PHF21A: variants seen among roughly 807,000 people sequenced by gnomAD.
PHF21A encodes PHD finger protein 21A.
Under a neutral mutation model 82.5 loss-of-function variants are expected in PHF21A, and 11 were observed. The ratio of observed to expected loss-of-function variants is 0.13; its 90% CI spans 0.08 to 0.22. PHF21A has a LOEUF of 0.22. PHF21A is among the 10% of genes least tolerant of loss of function. The pLI, the probability that PHF21A is intolerant of heterozygous loss-of-function variation, is 1.00. For synonymous variants in PHF21A, 297 were observed against 302.8 expected, an observed-to-expected ratio of 0.98 and a Z score of 0.20; for missense variants, 579 against 837.8, an observed-to-expected ratio of 0.69 and a Z score of 3.81.
rs144195995 is a variant in PHF21A at position 45,982,253 on chromosome 11, G to A, written c.154-2287C>T. Among the ~76,000 whole-genome samples, 61 of 152,096 alleles carry A rather than the reference G, an allele frequency of 4.0e-4. No individual in the cohort carries two copies. In the East Asian group the frequency reaches 8.9e-3, roughly 22 times the overall value. On this transcript the variant is annotated intron_variant, in intron 6 of 18. Coordinates refer to ENST00000676320, the MANE Select transcript of PHF21A (RefSeq NM_001352027.3). Reference sequence around the variant, plus strand: ...ATTATAGGCATAAGCCACCACGCCCGGCTGAGAGGTTTTTAGAAAAATATT... The same window carrying A: ...ATTATAGGCATAAGCCACCACGCCCAGCTGAGAGGTTTTTAGAAAAATATT...
At chr11:46,052,576 A>G (rs2096385026) in intron 6 of PHF21A, among the ~76,000 whole-genome samples, 2 of 152,214 alleles carry the variant, frequency 1.3e-5, no homozygotes, top group Non-Finnish European at 2.9e-5. Context: ...GCTAAGTACT[A>G]CACAGGAGCT....
intron 6 of PHF21A, among the ~76,000 whole-genome samples, chr11:46,062,093 T>G (rs184371544): frequency 1.3e-3 from 185 of 146,712 alleles, no homozygotes; most frequent in African/African-American, 4.4e-3. Flanking sequence ...TTTTGTTTTG[T>G]TTTTTTTTTT....
intron 6 of PHF21A, among the ~76,000 whole-genome samples, chr11:46,054,709 A>G (rs559350005): frequency 6.6e-6 from 1 of 152,312 alleles, no homozygotes; most frequent in African/African-American, 2.4e-5. Flanking sequence ...CTAGAAGGTA[A>G]GTTCCTTAAG....
intron 7 of PHF21A, among the ~76,000 whole-genome samples, chr11:45,973,592 G>T (rs74893293): frequency 6.6e-6 from 1 of 152,120 alleles, no homozygotes; most frequent in South Asian, 2.1e-4. Context: ...ACCTATCTTC[G>T]ATCAGTGATG....
chr11:45,970,565 A>G (rs961695349), intron 8 of PHF21A: 1 of 137,822 alleles, frequency 7.3e-6, no homozygotes, highest in Non-Finnish European at 1.5e-5. Context: ...TTGTTCAAGT[A>G]CTTCCTCCTT....
intron 6 of PHF21A, among the ~76,000 whole-genome samples, chr11:46,036,191 A>G (rs1044571237): frequency 3.3e-5 from 5 of 152,354 alleles, no homozygotes; most frequent in Admixed American, 6.5e-5. Flanking sequence ...AGAGTCAACA[A>G]TGATGTTTAA....
In PHF21A at chr11:46,057,212, A is replaced by G. The variant is rs552214656; in HGVS notation, c.153+19542T>C. 7.2e-5 allele frequency among the ~76,000 whole-genome samples: 11 copies of G among 152,240 alleles called. No individual in the cohort carries two copies. The South Asian group carries it at 2.1e-3, about 29-fold the overall frequency. On this transcript the variant is annotated intron_variant, in intron 6 of 18. Transcript: ENST00000676320. ...AATGCTTAAGACTTGTTTATTTTCC[A>G]TCTTGGAACTACATAAGCAGTTGCC...
rs57081937 is a variant in PHF21A, at chr11:45,971,890, C to CTTTCTTTTTTTTTTTTTTTTGTTTTT, written c.361-524_361-523insAAAAACAAAAAAAAAAAAAAAAGAAA. Among the ~76,000 whole-genome samples, 2 of 50,294 alleles carry CTTTCTTTTTTTTTTTTTTTTGTTTTT rather than the reference C, an allele frequency of 4.0e-5. 1 individual carries two copies. Among genetic ancestry groups the CTTTCTTTTTTTTTTTTTTTTGTTTTT allele is most frequent in the Non-Finnish European group, 7.7e-5 (2 of 25,836 alleles). 33.0% of individuals were successfully genotyped at this position (50,294 alleles called of 152,430 possible). On this transcript the variant is annotated intron_variant, in intron 7 of 18. Coordinates refer to ENST00000676320, the MANE Select transcript of PHF21A (RefSeq NM_001352027.3). ...GTAAAAGGACAGTGTCTTTTTCTTT[C>CTTTCTTTTTTTTTTTTTTTTGTTTTT]TTTTTTTTTTTTTTTATGGTGTCAC...
In PHF21A at chr11:45,935,739, GCTAAA is replaced by G; in HGVS notation, c.1685-5_1685-1del. On this transcript the variant is annotated splice_acceptor_variant and splice_polypyrimidine_tract_variant and intron_variant, in intron 17 of 18. Transcript: ENST00000676320. LOFTEE classifies it high-confidence loss of function. ...TAACTTCTGTTTCTCTTCTTCTTTTGCTAAAAAAAAAAAAAAAAAAAAAAAGGAAC... is the reference window on the plus strand; with the variant it reads ...TAACTTCTGTTTCTCTTCTTCTTTTGAAAAAAAAAAAAAAAAAAAAGGAAC... 1 of 459,572 alleles carries G rather than the reference GCTAAA, an allele frequency of 2.2e-6. No homozygotes were observed. Among genetic ancestry groups the G allele is most frequent in the Non-Finnish European group, 3.1e-6 (1 of 320,166 alleles). 28.5% of individuals were successfully genotyped at this position (459,572 alleles called of 1,614,324 possible). A position where few individuals can be genotyped will look rare whatever the true frequency, so the allele number is the denominator to read the frequency against.
chr11:46,070,943 T>C (rs146271761), intron 6 of PHF21A, among the ~76,000 whole-genome samples: 214 of 152,348 alleles, frequency 1.4e-3, no homozygotes, highest in African/African-American at 4.9e-3. Flanking sequence ...ATTATCAATA[T>C]ATGCTATTAA....
chr11:46,013,656 T>C (rs116491232), intron 6 of PHF21A, among the ~76,000 whole-genome samples: 174 of 152,308 alleles, frequency 1.1e-3, no homozygotes, highest in African/African-American at 3.3e-3. Flanking sequence ...CATCATACAA[T>C]GTACTTAAAC....
chr11:45,952,435 G>A (rs571411362), intron 11 of PHF21A, among the ~76,000 whole-genome samples: 1 of 152,288 alleles, frequency 6.6e-6, no homozygotes, highest in East Asian at 1.9e-4. Context: ...CAGAAACAAG[G>A]TCTCACTATG....
chr11:46,120,419 C>T (rs1852879049), intron 1 of PHF21A: 1 of 150,350 alleles, frequency 6.7e-6, no homozygotes, highest in African/African-American at 2.4e-5. Flanking sequence ...GCCGGCCCCC[C>T]GCCGGGACAA....
chr11:46,007,886 T>A (rs1433377688), intron 6 of PHF21A, among the ~76,000 whole-genome samples: 4 of 152,246 alleles, frequency 2.6e-5, no homozygotes, highest in African/African-American at 9.6e-5. Flanking sequence ...TCAGAGTCTT[T>A]AAAAAGGTAC....
chr11:46,115,088 TG>T (rs1329836683), intron 1 of PHF21A, among the ~76,000 whole-genome samples: 1 of 152,208 alleles, frequency 6.6e-6, no homozygotes, highest in Admixed American at 6.5e-5. Context: ...TGCCTTCAAC[TG>T]AGATATTTTC....
chr11:45,962,511 G>T (rs189763825), intron 10 of PHF21A, among the ~76,000 whole-genome samples: 2 of 152,134 alleles, frequency 1.3e-5, no homozygotes, highest in East Asian at 3.9e-4. Context: ...TCTGCTGATC[G>T]GGCTCGGTAA....
chr11:46,082,844 A>T (rs1476173788), intron 4 of PHF21A, among the ~76,000 whole-genome samples: 1 of 152,206 alleles, frequency 6.6e-6, no homozygotes, highest in Non-Finnish European at 1.5e-5. Context: ...GGATTTGCTC[A>T]TATCTTGTGA....
chr11:46,080,482 A>T (rs2096777596), intron 4 of PHF21A, among the ~76,000 whole-genome samples: 1 of 152,074 alleles, frequency 6.6e-6, no homozygotes, highest in African/African-American at 2.4e-5. Context: ...AAAAAAATTT[A>T]AAAATCAAGC....
intron 7 of PHF21A, among the ~76,000 whole-genome samples, chr11:45,972,672 G>C (rs1343421218): frequency 2.0e-5 from 3 of 152,202 alleles, no homozygotes; most frequent in Non-Finnish European, 1.5e-5. Flanking sequence ...CCAGCACTTT[G>C]GGAGGCCGAT....
Sources: gnomAD v4.1 joint callset for allele counts (sites outside exome capture counted in the v4.1 genomes callset) on GRCh38, gnomAD v4.1.1 for gene constraint, MANE v1.5 for transcripts, NCBI Gene and HGNC (gene_info 2026-07-23, HGNC 2026-07-21) for gene names.